Variants in RABEP1 observed in about 807,000 individuals in gnomAD.
RABEP1 encodes the protein rab GTPase-binding effector protein 1.
RABEP1 carries 51 observed loss-of-function variants against 123.4 expected under a neutral mutation model. That is an observed-to-expected ratio of 0.41 (90% CI 0.33 to 0.52). The LOEUF (loss-of-function observed/expected upper bound fraction) is 0.52. RABEP1 is among the 20% of genes least tolerant of loss of function. The pLI, the probability that RABEP1 is intolerant of heterozygous loss-of-function variation, is 0.16. For synonymous variants in RABEP1, 347 were observed against 355.2 expected, an observed-to-expected ratio of 0.98 and a Z score of 0.26; for missense variants, 888 against 996.3, an observed-to-expected ratio of 0.89 and a Z score of 1.46.
intron 1 of RABEP1, among the ~76,000 whole-genome samples, chr17:5,306,626 T>TG (rs1291732906): frequency 8.1e-5 from 9 of 111,048 alleles, no homozygotes; most frequent in African/African-American, 3.5e-4. Context: ...AGACTCTGTC[T>TG]GAAAAAAAAA....
In RABEP1 at chr17:5,384,915, C is replaced by T. The variant is rs922402877; in HGVS notation, c.*1692C>T. ...TTAAGACTAGTCCCTTGGATAAGCC[C>T]CAAGCGAATTTGTCTTCAGATTATT... On this transcript the variant is annotated 3_prime_UTR_variant, in exon 18 of 18. Coordinates refer to ENST00000537505, the MANE Select transcript of RABEP1 (RefSeq NM_004703.6). 4.5e-6 allele frequency: 1 copy of T among 224,124 alleles called. No individual in the cohort carries two copies. The highest frequency in any genetic ancestry group is 8.9e-6 in the Non-Finnish European group (1 of 112,662). 13.9% of individuals were successfully genotyped at this position (224,124 alleles called of 1,614,324 possible). A position where few individuals can be genotyped will look rare whatever the true frequency, so the allele number is the denominator to read the frequency against.
At chr17:5,282,948 G>A (rs997800339) in intron 1 of RABEP1, among the ~76,000 whole-genome samples, 1 of 152,080 alleles carries the variant, frequency 6.6e-6, no homozygotes, top group East Asian at 1.9e-4. Flanking sequence ...CCTTGCTATA[G>A]AACTCTTTGC....
intron 1 of RABEP1, among the ~76,000 whole-genome samples, chr17:5,288,085 T>C (rs1261336096): frequency 1.3e-5 from 2 of 151,976 alleles, no homozygotes; most frequent in Admixed American, 6.6e-5. Flanking sequence ...TAGTCAAGGA[T>C]TACTCAAAGG....
chr17:5,284,077 T>G (rs1421461161), intron 1 of RABEP1: 1 of 152,234 alleles, frequency 6.6e-6, no homozygotes, highest in African/African-American at 2.4e-5. Context: ...GTGGTAGGTA[T>G]GCATAGCTGG....
intron 1 of RABEP1, 111 bp downstream of exon 1, chr17:5,282,631 G>T (rs2074937008): frequency 1.4e-6 from 1 of 729,540 alleles, no homozygotes; most frequent in Admixed American, 6.1e-5. Flanking sequence ...GGCCCCGGGG[G>T]TGACCCCGCC....
Position 5,332,012 on chromosome 17 carries a change from C to T in RABEP1, c.227C>T (p.Thr76Ile), listed in dbSNP as rs1279075086. The T allele has an allele frequency of 5.0e-6, 8 of 1,613,922 alleles. No homozygotes were observed. The highest frequency in any genetic ancestry group is 2.7e-5 in the African/African-American group (2 of 74,902). Residue 76 changes from threonine (T) to isoleucine (I), a missense_variant, in exon 3 of 18, where the codon ACC (threonine) becomes ATC (isoleucine). Transcript: ENST00000537505. ...CAAGATGATTTGGGACACCTTCGAA[C>T]CCAGCTGTGGGAAGCTCAAGCAGAG... Reference protein sequence around the residue: ...AAQDDLGHLRTQLWEAQAEME... With the variant: ...AAQDDLGHLRIQLWEAQAEME...
intron 7 of RABEP1, among the ~76,000 whole-genome samples, chr17:5,353,667 G>A (rs889377348): frequency 6.6e-6 from 1 of 152,026 alleles, no homozygotes; most frequent in Non-Finnish European, 1.5e-5. Flanking sequence ...GGACAACAGC[G>A]TGAGACCCCA....
At chr17:5,319,412 G>T (rs2075331772) in intron 2 of RABEP1, among the ~76,000 whole-genome samples, 1 of 151,388 alleles carries the variant, frequency 6.6e-6, no homozygotes. Flanking sequence ...CATCACCCAG[G>T]CTGGAGTGCA....
intron 8 of RABEP1, among the ~76,000 whole-genome samples, chr17:5,360,516 C>T (rs1044758193): frequency 1.3e-5 from 2 of 152,216 alleles, no homozygotes; most frequent in East Asian, 1.9e-4. Context: ...GAGCGGAGAT[C>T]GCGCCACTGC....
chr17:5,353,841 G>A (rs1052428102), intron 7 of RABEP1, among the ~76,000 whole-genome samples: 26 of 152,204 alleles, frequency 1.7e-4, no homozygotes, highest in African/African-American at 6.0e-4. Context: ...AAAATTAGGC[G>A]GGCGTGGTGG....
chr17:5,304,606 A>G (rs2075164633), intron 1 of RABEP1, among the ~76,000 whole-genome samples: 1 of 151,994 alleles, frequency 6.6e-6, no homozygotes, highest in Non-Finnish European at 1.5e-5. Context: ...AAAAGTAGGC[A>G]ATGGATTAGA....
chr17:5,308,291 T>A (rs1040340254), intron 1 of RABEP1, among the ~76,000 whole-genome samples: 1 of 150,952 alleles, frequency 6.6e-6, no homozygotes, highest in Non-Finnish European at 1.5e-5. Flanking sequence ...AGTGGTGCGA[T>A]CTCGGCCCAC....
At chr17:5,319,678 AC>A (rs1447480426) in intron 2 of RABEP1, among the ~76,000 whole-genome samples, 2 of 152,124 alleles carry the variant, frequency 1.3e-5, no homozygotes, top group African/African-American at 4.8e-5. Context: ...GAGAAATTTA[AC>A]AAGGATATTG....
chr17:5,348,178 C>T lies in RABEP1; in HGVS notation c.784+1253C>T, dbSNP rs534694450. Among the ~76,000 whole-genome samples the T allele has an allele frequency of 9.9e-5, 15 of 152,210 alleles. No homozygotes were observed. The South Asian group carries it at 1.9e-3, about 19-fold the overall frequency. ...TTTTAGTAGAGATGGGGTGTTTCTC[C>T]GTGTTGGTCAGGCTGGTCTTGAACT... is the stretch of plus-strand genomic sequence containing the variant. On this transcript the variant is annotated intron_variant, in intron 6 of 17. Transcript: ENST00000537505.
intron 12 of RABEP1, among the ~76,000 whole-genome samples, chr17:5,372,317 T>C (rs1431518754): frequency 1.3e-5 from 2 of 152,158 alleles, no homozygotes; most frequent in South Asian, 4.1e-4. Flanking sequence ...TGGTGGTGCG[T>C]GCCTGTAGTC....
rs1911850110 is a variant in RABEP1, at chr17:5,385,201, T to A, written c.*1978T>A. ...GTTTTGTTTAGCAATGTGTTTCTGG[T>A]ATGAAACAAACTACTGTGTCACTGT... On this transcript the variant is annotated 3_prime_UTR_variant, in exon 18 of 18. Transcript: ENST00000537505. 4.3e-6 allele frequency: 1 copy of A among 230,110 alleles called. No individual in the cohort carries two copies. The highest frequency in any genetic ancestry group is 2.2e-5 in the African/African-American group (1 of 45,216). 14.3% of individuals were successfully genotyped at this position (230,110 alleles called of 1,614,324 possible).
chr17:5,340,696 C>G (rs530822923), intron 5 of RABEP1, among the ~76,000 whole-genome samples: 41 of 149,964 alleles, frequency 2.7e-4, no homozygotes, highest in African/African-American at 9.5e-4. Flanking sequence ...CCTGTAATCC[C>G]AGCACTTTGG....
At chr17:5,366,288 A>G (rs1307018258) in intron 11 of RABEP1, among the ~76,000 whole-genome samples, 2 of 152,178 alleles carry the variant, frequency 1.3e-5, no homozygotes, top group African/African-American at 4.8e-5. Context: ...TCTGTGTGTG[A>G]GAGATTCCTG....
At position 5,361,492 on chromosome 17, in the gene RABEP1, C is replaced by G. The variant is rs751753619; in HGVS notation, c.1380C>G (p.Leu460=). ...TTGATACTGCATCCCTTGGGTCACT[C>G]CAGATGCCAAGTGGGTTTATGTTAA... ...ENFDTASLGS[L]QMPSGFMLTK... The change falls in exon 9 of 18, where the codon CTC becomes CTG. Residue 460 remains leucine (L), a synonymous_variant. Transcript: ENST00000537505. The G allele has an allele frequency of 1.9e-6, 3 of 1,614,028 alleles. No homozygotes were observed. The highest frequency in any genetic ancestry group is 1.7e-5 in the Admixed American group (1 of 59,994).
Sources: gnomAD v4.1 joint callset for allele counts (sites outside exome capture counted in the v4.1 genomes callset) on GRCh38, gnomAD v4.1.1 for gene constraint, MANE v1.5 for transcripts, NCBI Gene and HGNC (gene_info 2026-07-23, HGNC 2026-07-21) for gene names.